The following CHN1 variants were observed in gnomAD, a reference collection of about 807,000 sequenced individuals.
CHN1 encodes the protein N-chimaerin.
Under a neutral mutation model 59.5 loss-of-function variants are expected in CHN1, and 37 were observed. The ratio of observed to expected loss-of-function variants is 0.62; its 90% CI spans 0.48 to 0.82. The LOEUF (loss-of-function observed/expected upper bound fraction) is 0.82, where lower values mean the gene tolerates loss of function less well. CHN1 is among the 40% of genes least tolerant of loss of function. The pLI is 0.00. For synonymous variants in CHN1, 206 were observed against 200.4 expected, an observed-to-expected ratio of 1.03 and a Z score of -0.24; for missense variants, 469 against 571.0, an observed-to-expected ratio of 0.82 and a Z score of 1.82.
intron 1 of CHN1, among the ~76,000 whole-genome samples, chr2:175,000,053 A>G (rs1379074160): frequency 1.3e-5 from 2 of 152,178 alleles, no homozygotes; most frequent in Non-Finnish European, 2.9e-5. Context: ...TTGTTCTTAC[A>G]TAGTACCAGC....
intron 7 of CHN1, among the ~76,000 whole-genome samples, chr2:174,830,601 ATG>A (rs1412579591): frequency 6.6e-6 from 1 of 152,152 alleles, no homozygotes; most frequent in African/African-American, 2.4e-5. Context: ...GATCAAATGG[ATG>A]TGTAATTGAT....
intron 5 of CHN1, among the ~76,000 whole-genome samples, chr2:174,901,769 T>C: frequency 6.6e-6 from 1 of 152,202 alleles, no homozygotes; most frequent in Non-Finnish European, 1.5e-5. Context: ...ATATTTTCCT[T>C]TTCCTACTTT....
intron 8 of CHN1, among the ~76,000 whole-genome samples, chr2:174,818,747 AC>A (rs1235445504): frequency 6.6e-6 from 1 of 152,192 alleles, no homozygotes; most frequent in African/African-American, 2.4e-5. Flanking sequence ...TTTATTCTAT[AC>A]TTTCTTAATA....
intron 4 of CHN1, among the ~76,000 whole-genome samples, chr2:174,915,647 C>T (rs1382289316): frequency 6.6e-6 from 1 of 152,042 alleles, no homozygotes; most frequent in African/African-American, 2.4e-5. Flanking sequence ...CATGATTGCC[C>T]AATAATGTGC....
At chr2:174,886,890 A>T (rs1053686780) in intron 5 of CHN1, among the ~76,000 whole-genome samples, 5 of 152,182 alleles carry the variant, frequency 3.3e-5, no homozygotes, top group African/African-American at 4.8e-5. Context: ...TTCCATTGCA[A>T]GTGCACAATT....
chr2:174,972,307 T>C (rs983084544), intron 1 of CHN1, among the ~76,000 whole-genome samples: 5 of 152,168 alleles, frequency 3.3e-5, no homozygotes, highest in African/African-American at 1.2e-4. Context: ...GGCAGGGTGA[T>C]ATCCTGATGC....
At chr2:174,929,228 A>G (rs1689260420) in intron 3 of CHN1, among the ~76,000 whole-genome samples, 1 of 152,212 alleles carries the variant, frequency 6.6e-6, no homozygotes, top group African/African-American at 2.4e-5. Context: ...AAATTTTACT[A>G]ATTCAATAAA....
chr2:174,846,355 A>G (rs1157886701), intron 7 of CHN1: 47 of 1,549,274 alleles, frequency 3.0e-5, no homozygotes, highest in Non-Finnish European at 3.9e-5. Flanking sequence ...AGAAGCTGCT[A>G]GTGTCAGCAG....
At chr2:174,910,899 CAAAAAAAAAAAAA>C (rs10568066) in intron 5 of CHN1, among the ~76,000 whole-genome samples, 5 of 76,640 alleles carry the variant, frequency 6.5e-5, no homozygotes, top group East Asian at 1.0e-3. Context: ...GACTCCGTCT[CAAAAAAAAAAAAA>C]AAAAAAAAAA....
At chr2:174,907,653 C>T (rs1260071011) in intron 5 of CHN1, among the ~76,000 whole-genome samples, 1 of 139,234 alleles carries the variant, frequency 7.2e-6, no homozygotes, top group African/African-American at 2.7e-5. Context: ...GATACATGTG[C>T]ACTGTAAAAA....
intron 6 of CHN1, among the ~76,000 whole-genome samples, chr2:174,865,764 A>G (rs1287574583): frequency 4.6e-5 from 7 of 152,132 alleles, no homozygotes; most frequent in Non-Finnish European, 8.8e-5. Context: ...CTATACTTAA[A>G]CCTGTATGTG....
intron 7 of CHN1, among the ~76,000 whole-genome samples, chr2:174,835,856 CTTCT>C (rs1359545919): frequency 1.3e-5 from 2 of 152,156 alleles, no homozygotes; most frequent in East Asian, 1.9e-4. Flanking sequence ...TGTGTTGTGA[CTTCT>C]TTCTGTTTCT....
chr2:174,833,134 G>A (rs1400392579), intron 7 of CHN1, among the ~76,000 whole-genome samples: 2 of 152,066 alleles, frequency 1.3e-5, no homozygotes, highest in Non-Finnish European at 2.9e-5. Context: ...ATAAATATCA[G>A]TTAGGTCAAA....
At chr2:174,812,019 C>T (rs1558933452) in intron 9 of CHN1, 2 of 298,024 alleles carry the variant, frequency 6.7e-6, no homozygotes, top group Non-Finnish European at 1.2e-5. Context: ...AATTTAAAAA[C>T]TGAAAAATGA....
intron 1 of CHN1, among the ~76,000 whole-genome samples, chr2:174,983,540 A>T (rs1691232492): frequency 6.6e-6 from 1 of 152,056 alleles, no homozygotes; most frequent in South Asian, 2.1e-4. Context: ...AAAAAAAATA[A>T]GCTAGACGGC....
intron 6 of CHN1, chr2:174,847,689 A>G: frequency 7.8e-7 from 1 of 1,279,806 alleles, no homozygotes; most frequent in Non-Finnish European, 1.0e-6. Flanking sequence ...ATCAAGCAAC[A>G]GTATTTAAGT....
intron 8 of CHN1, among the ~76,000 whole-genome samples, chr2:174,822,799 C>T (rs1397743359): frequency 4.6e-5 from 7 of 152,244 alleles, no homozygotes; most frequent in Non-Finnish European, 1.0e-4. Flanking sequence ...CATCCCAACT[C>T]TGGATAACCA....
At chr2:174,834,242 T>C (rs1342782396) in intron 7 of CHN1, among the ~76,000 whole-genome samples, 1 of 152,226 alleles carries the variant, frequency 6.6e-6, no homozygotes, top group Non-Finnish European at 1.5e-5. Flanking sequence ...ACATTTTGCT[T>C]GTATAAACTA....
chr2:174,828,993 A>C (rs1685783349), intron 7 of CHN1, among the ~76,000 whole-genome samples: 1 of 152,206 alleles, frequency 6.6e-6, no homozygotes, highest in African/African-American at 2.4e-5. Context: ...TAAGTGGGCC[A>C]CAGATATTTT....
Sources: gnomAD v4.1 joint callset for allele counts (sites outside exome capture counted in the v4.1 genomes callset) on GRCh38, gnomAD v4.1.1 for gene constraint, MANE v1.5 for transcripts, NCBI Gene and HGNC (gene_info 2026-07-23, HGNC 2026-07-21) for gene names.